Variants in RASA2 observed in about 807,000 individuals in gnomAD.
RASA2 encodes RAS p21 protein activator 2.
RASA2 carries 155 observed loss-of-function variants against 118.2 expected under a neutral mutation model. The ratio of observed to expected loss-of-function variants is 1.31; its 90% CI spans 1.15 to 1.50. The LOEUF (loss-of-function observed/expected upper bound fraction) is 1.50, where lower values mean the gene tolerates loss of function less well. Among genes scored for constraint, RASA2 ranks in the 40% most tolerant of loss-of-function variants. RASA2 has a pLI of 0.00. For synonymous variants in RASA2, 353 were observed against 349.1 expected (o/e 1.01, Z -0.12); for missense variants, 1,016 against 1,009.6 (o/e 1.01, Z -0.09).
At chr3:141,572,502 T>TAAA in intron 11 of RASA2, 107 bp from the exon 12 acceptor site, 1 of 762,340 alleles carries the variant, frequency 1.3e-6, no homozygotes, top group South Asian at 1.5e-5. Flanking sequence ...TAGTATGTCT[T>TAAA]AATCTATTTC....
intron 4 of RASA2, among the ~76,000 whole-genome samples, chr3:141,538,486 A>T (rs991012259): frequency 6.6e-6 from 1 of 152,130 alleles, no homozygotes; most frequent in East Asian, 1.9e-4. Context: ...AATTTTATAC[A>T]TATATGTTTT....
At chr3:141,510,923 T>C (rs2081941687) in intron 1 of RASA2, among the ~76,000 whole-genome samples, 2 of 152,130 alleles carry the variant, frequency 1.3e-5, no homozygotes, top group Non-Finnish European at 2.9e-5. Context: ...CTAAAGAATA[T>C]GTTTCAAATA....
At chr3:141,496,924 A>G (rs2081710888) in intron 1 of RASA2, among the ~76,000 whole-genome samples, 1 of 152,220 alleles carries the variant, frequency 6.6e-6, no homozygotes, top group African/African-American at 2.4e-5. Flanking sequence ...CCACATGTCC[A>G]TCAGTGATAG....
chr3:141,569,606 A>G (rs555123151), intron 9 of RASA2, among the ~76,000 whole-genome samples: 5 of 152,328 alleles, frequency 3.3e-5, no homozygotes, highest in African/African-American at 9.6e-5. Flanking sequence ...GTACTTTACA[A>G]TTTTTATCAG....
chr3:141,578,277 A>G (rs1218059474), intron 15 of RASA2, among the ~76,000 whole-genome samples: 1 of 152,232 alleles, frequency 6.6e-6, no homozygotes, highest in Non-Finnish European at 1.5e-5. Flanking sequence ...AAATTCAGTC[A>G]GTCTTTATCA....
chr3:141,502,714 C>T (rs540437932), intron 1 of RASA2, among the ~76,000 whole-genome samples: 3 of 152,286 alleles, frequency 2.0e-5, no homozygotes, highest in South Asian at 4.1e-4. Flanking sequence ...TTAATTTATT[C>T]AGTAAGTGGT....
chr3:141,583,217 A>C (rs1276790940), intron 17 of RASA2, among the ~76,000 whole-genome samples: 2 of 152,102 alleles, frequency 1.3e-5, no homozygotes, highest in African/African-American at 4.8e-5. Context: ...TGAGGTCAGG[A>C]GTTGGAGACC....
intron 5 of RASA2, among the ~76,000 whole-genome samples, chr3:141,540,875 T>A (rs189107080): frequency 8.6e-4 from 131 of 152,270 alleles, no homozygotes; most frequent in African/African-American, 3.0e-3. Context: ...TGTCTAACTC[T>A]CTGGCAGTGG....
At chr3:141,500,863 A>T (rs2081768542) in intron 1 of RASA2, among the ~76,000 whole-genome samples, 1 of 150,980 alleles carries the variant, frequency 6.6e-6, no homozygotes. Flanking sequence ...TTATTTTTTT[A>T]TTTTTTATTT....
chr3:141,579,733 A>G (rs1165888049), intron 15 of RASA2, among the ~76,000 whole-genome samples: 3 of 152,132 alleles, frequency 2.0e-5, no homozygotes, highest in Non-Finnish European at 4.4e-5. Flanking sequence ...CATACTGTAC[A>G]AAACAACTTA....
chr3:141,498,476 T>G (rs987801460), intron 1 of RASA2, among the ~76,000 whole-genome samples: 1 of 152,208 alleles, frequency 6.6e-6, no homozygotes, highest in African/African-American at 2.4e-5. Context: ...CTGGCCTGTT[T>G]TGGGGGTTCA....
rs74664815 is a variant in RASA2 at position 141,521,446 on chromosome 3, G to A, written c.355+5015G>A. On this transcript the variant is annotated intron_variant, in intron 3 of 23. Transcript: ENST00000286364. Reference sequence around the variant, plus strand: ...AACCTTTGAGAGAATGTATAACTTCGGCCATCATACCTTAAGAAAAATGTT... The same window carrying A: ...AACCTTTGAGAGAATGTATAACTTCAGCCATCATACCTTAAGAAAAATGTT... Among the ~76,000 whole-genome samples, 1,308 of 152,182 alleles carry A rather than the reference G, an allele frequency of 8.6e-3. 22 individuals carry two copies. Among genetic ancestry groups the A allele is most frequent in the African/African-American group, 0.025 (1,052 of 41,514 alleles).
rs144671472 is a variant in RASA2, at chr3:141,549,909, C to G, written c.528-3948C>G. On this transcript the variant is annotated intron_variant, in intron 5 of 23. Transcript: ENST00000286364. ...GTAAAGGGACTTCAAATTACCAAAT[C>G]TGGAACAATTTGAGCTTCAGAATAA... is the stretch of plus-strand genomic sequence containing the variant. 8.4e-3 allele frequency among the ~76,000 whole-genome samples: 1,277 copies of G among 152,206 alleles called. 17 individuals are homozygous for G. The highest frequency in any genetic ancestry group is 0.027 in the Middle Eastern group (8 of 294).
chr3:141,529,102 T>C (rs1290687876), intron 3 of RASA2, among the ~76,000 whole-genome samples: 1 of 152,058 alleles, frequency 6.6e-6, no homozygotes, highest in Admixed American at 6.6e-5. Context: ...GGGTTTAAAC[T>C]CTTTAGAGAA....
At chr3:141,580,555 TACACACACACACACAC>T in intron 16 of RASA2, 104 bp downstream of exon 16, 1 of 580,736 alleles carries the variant, frequency 1.7e-6, no homozygotes, top group Non-Finnish European at 3.0e-6. Flanking sequence ...AAACAAAACA[TACACACACACACACAC>T]ACACACAGAC....
chr3:141,586,943 T>C (rs1241100626), intron 19 of RASA2, 191 bp downstream of exon 19: 4 of 616,910 alleles, frequency 6.5e-6, no homozygotes, highest in East Asian at 3.2e-5. Flanking sequence ...TTTTCTCACA[T>C]TAAATTTCTT....
chr3:141,507,699 T>G (rs77543035), intron 1 of RASA2, among the ~76,000 whole-genome samples: 2 of 152,368 alleles, frequency 1.3e-5, no homozygotes, highest in East Asian at 3.9e-4. Context: ...TCATGAAATC[T>G]GTGACTGAAT....
At chr3:141,549,999 CAATT>C (rs2082549287) in intron 5 of RASA2, among the ~76,000 whole-genome samples, 1 of 152,032 alleles carries the variant, frequency 6.6e-6, no homozygotes, top group Non-Finnish European at 1.5e-5. Context: ...TACAAATAAA[CAATT>C]AAAAACTCAA....
rs149697623 is a variant in RASA2, at chr3:141,556,926, G to A, written c.684+1014G>A. 1.5e-3 allele frequency among the ~76,000 whole-genome samples: 224 copies of A among 152,266 alleles called. 7 individuals carry two copies. The East Asian group carries it at 0.024, about 17-fold the overall frequency. On this transcript the variant is annotated intron_variant, in intron 7 of 23. Coordinates refer to ENST00000286364, the MANE Select transcript of RASA2 (RefSeq NM_006506.5). ...AAAAAACAAAAGAAAAAGTACCAAT[G>A]TGAGACTTTTCCATTTCCTGGCTAA...
Sources: gnomAD v4.1 joint callset for allele counts (sites outside exome capture counted in the v4.1 genomes callset) on GRCh38, gnomAD v4.1.1 for gene constraint, MANE v1.5 for transcripts, NCBI Gene and HGNC (gene_info 2026-07-23, HGNC 2026-07-21) for gene names.